Variants in TCF4 observed in about 807,000 individuals in gnomAD.
The protein encoded by TCF4 is SL3-3 enhancer factor 2.
In TCF4, 3 loss-of-function variants were observed where a neutral mutation model predicts 82.1. That is an observed-to-expected ratio of 0.04 (90% confidence interval 0.02 to 0.09). The LOEUF is 0.09. Ranked by LOEUF, TCF4 falls within the 10% of genes least tolerant of loss-of-function variation. The probability of loss-of-function intolerance (pLI) is 1.00; values close to 1 mark genes in which losing one functional copy is unlikely to be tolerated. For missense variants in TCF4, 518 were observed against 852.7 expected, an observed-to-expected ratio of 0.61 and a Z score of 4.89; for synonymous variants, 276 against 309.6, an observed-to-expected ratio of 0.89 and a Z score of 1.14.
At chr18:55,529,465 G>A (rs1462716109) in intron 3 of TCF4, among the ~76,000 whole-genome samples, 5 of 152,152 alleles carry the variant, frequency 3.3e-5, no homozygotes, top group African/African-American at 1.2e-4. Flanking sequence ...GAGAGAGAAC[G>A]AGAGAATGTA....
intron 15 of TCF4, among the ~76,000 whole-genome samples, chr18:55,245,463 T>A (rs954985529): frequency 6.6e-6 from 1 of 152,172 alleles, no homozygotes; most frequent in Non-Finnish European, 1.5e-5. Context: ...AATTTGGATG[T>A]AAAAAATATA....
chr18:55,598,031 G>A (rs941820852), intron 2 of TCF4, among the ~76,000 whole-genome samples: 2 of 152,180 alleles, frequency 1.3e-5, no homozygotes, highest in African/African-American at 2.4e-5. Flanking sequence ...GCCTTTACAT[G>A]CTAATGGGTA....
intron 6 of TCF4, among the ~76,000 whole-genome samples, chr18:55,378,979 T>C (rs771629607): frequency 6.6e-6 from 1 of 152,210 alleles, no homozygotes; most frequent in Non-Finnish European, 1.5e-5. Context: ...CTTACAAAAC[T>C]AGCCTAGCAC....
chr18:55,398,551 G>T (rs2093628950), intron 6 of TCF4, among the ~76,000 whole-genome samples: 1 of 152,134 alleles, frequency 6.6e-6, no homozygotes, highest in Admixed American at 6.6e-5. Context: ...GTCTCTCCAC[G>T]GTATGACTTT....
Position 55,303,226 on chromosome 18 carries a change from TACACAC to T in TCF4, c.550-23576_550-23571del, listed in dbSNP as rs74180496. ...TACTTCCAACCTGGCTCCCAGTACG[TACACAC>T]ACACACACACACACACACACACACA... is the stretch of plus-strand genomic sequence containing the variant. On this transcript the variant is annotated intron_variant, in intron 8 of 19. Transcript: ENST00000354452. Among the ~76,000 whole-genome samples the T allele has an allele frequency of 9.3e-3, 1,267 of 136,004 alleles. 13 individuals are homozygous for T. Among genetic ancestry groups the T allele is most frequent in the African/African-American group, 0.026 (929 of 35,500 alleles). The allele number at this position is 136,004 out of a possible 152,430, so 89.2% of individuals were successfully genotyped here.
intron 8 of TCF4, among the ~76,000 whole-genome samples, chr18:55,344,036 T>C (rs763773486): frequency 2.0e-5 from 3 of 152,200 alleles, no homozygotes; most frequent in Non-Finnish European, 4.4e-5. Flanking sequence ...AAGTATGGAT[T>C]CTGCCTTAAG....
chr18:55,314,906 A>G (rs888748267), intron 8 of TCF4, among the ~76,000 whole-genome samples: 4 of 152,094 alleles, frequency 2.6e-5, no homozygotes, highest in African/African-American at 7.2e-5. Flanking sequence ...TCAGTACTCT[A>G]TAATTCTCAC....
chr18:55,260,998 G>A (rs780385317), intron 12 of TCF4: 12 of 159,028 alleles, frequency 7.5e-5, no homozygotes, highest in Non-Finnish European at 1.2e-4. Flanking sequence ...GGCAGTAGGT[G>A]GGCAAAGCAG....
At chr18:55,319,735 T>A (rs1386951867) in intron 8 of TCF4, among the ~76,000 whole-genome samples, 1 of 151,970 alleles carries the variant, frequency 6.6e-6, no homozygotes, top group East Asian at 1.9e-4. Flanking sequence ...GGCATATTAG[T>A]GATATGATGT....
rs186107279 is a variant in TCF4 at position 55,515,260 on chromosome 18, C to T, written c.146-51123G>A. Among the ~76,000 whole-genome samples, 93 of 152,146 alleles carry T rather than the reference C, an allele frequency of 6.1e-4. No individual in the cohort carries two copies. In the Middle Eastern group the frequency reaches 0.01, roughly 17 times the overall value. On this transcript the variant is annotated intron_variant, in intron 3 of 19. Transcript: ENST00000354452. ...AAAACAACCCAGAGTATAAAACTCA[C>T]GGAAAAAAATGGCCTCACCAAGTTA...
In TCF4 at chr18:55,633,029, T is replaced by G. The variant is rs1048407025; in HGVS notation, c.196-1641A>C. Among the ~76,000 whole-genome samples the G allele has an allele frequency of 6.6e-6, 1 of 152,246 alleles. No homozygotes were observed. The highest frequency in any genetic ancestry group is 6.5e-5 in the Admixed American group (1 of 15,290). ...GGTCAGTGGATGGTAAATGAAGGTT[T>G]TCTTATGTATTAGTTATCAATTGCT... On this transcript the variant is annotated intron_variant, in intron 1 of 20. Coordinates refer to the TCF4 transcript ENST00000398339. This position sits in a 1 kb window ranked among gnomAD's most constrained non-coding sequence, Gnocchi z 4.0.
At chr18:55,501,837 C>T (rs766908346) in intron 3 of TCF4, among the ~76,000 whole-genome samples, 25 of 152,254 alleles carry the variant, frequency 1.6e-4, no homozygotes, top group Middle Eastern at 3.4e-3. Context: ...GCTGTGTCTT[C>T]TTTCAACAGA....
chr18:55,330,642 T>G (rs2077393341), intron 8 of TCF4, among the ~76,000 whole-genome samples: 1 of 152,194 alleles, frequency 6.6e-6, no homozygotes, highest in South Asian at 2.1e-4. Context: ...CTTGGCTCAC[T>G]GCCACCTCTG....
Position 55,452,354 on chromosome 18 carries a change from C to A in TCF4, c.304+8665G>T, listed in dbSNP as rs866502901. ...ATTAAAAGAAAATAGAGGGTTTTCT[C>A]CCCTAGGCAGTAGGCATTCTTGTCT... On this transcript the variant is annotated intron_variant, in intron 5 of 19. Coordinates refer to ENST00000354452, the MANE Select transcript of TCF4 (RefSeq NM_001083962.2). Among the ~76,000 whole-genome samples the A allele has an allele frequency of 3.3e-5, 5 of 152,212 alleles. No individual in the cohort carries two copies. The South Asian group carries it at 1.0e-3, about 32-fold the overall frequency.
chr18:55,582,830 G>C (rs952850511), intron 3 of TCF4, among the ~76,000 whole-genome samples: 2 of 152,066 alleles, frequency 1.3e-5, no homozygotes, highest in African/African-American at 4.8e-5. Flanking sequence ...ATCCATGAAA[G>C]GGACATCTGA....
At chr18:55,387,341 G>A (rs894599250) in intron 6 of TCF4, among the ~76,000 whole-genome samples, 1 of 152,224 alleles carries the variant, frequency 6.6e-6, no homozygotes, top group African/African-American at 2.4e-5. Flanking sequence ...TCCTCTGGGG[G>A]CTGAAGATAG....
intron 2 of TCF4, among the ~76,000 whole-genome samples, chr18:55,621,669 TA>T (rs368522914): frequency 0.48 from 17,395 of 36,458 alleles, 3,832 homozygotes; most frequent in East Asian, 0.6. Context: ...ATACATTATA[TA>T]ATATACATTA....
intron 5 of TCF4, among the ~76,000 whole-genome samples, chr18:55,445,432 G>A (rs1268045853): frequency 1.3e-5 from 2 of 152,112 alleles, no homozygotes; most frequent in African/African-American, 2.4e-5. Context: ...GGTGGAAGGC[G>A]AAGAAGAAGC....
chr18:55,482,983 G>A (rs1448463337), intron 3 of TCF4: 3 of 152,116 alleles, frequency 2.0e-5, no homozygotes, highest in East Asian at 3.9e-4. Context: ...TGTCATAGAC[G>A]TAATTTTATA....
Sources: allele counts gnomAD v4.1 joint callset (sites outside exome capture counted in the v4.1 genomes callset), GRCh38; gene constraint gnomAD v4.1.1; non-coding constraint Gnocchi (gnomAD v3.1); transcripts MANE v1.5; gene names NCBI Gene and HGNC (gene_info 2026-07-23, HGNC 2026-07-21).